Variants in TNRC6A observed in about 807,000 individuals in gnomAD.
TNRC6A encodes the protein trinucleotide repeat containing adaptor 6A.
Under a neutral mutation model 221.2 loss-of-function variants are expected in TNRC6A, and 44 were observed. The ratio of observed to expected loss-of-function variants is 0.20; its 90% CI spans 0.16 to 0.26. The LOEUF (loss-of-function observed/expected upper bound fraction) is 0.26, where lower values mean the gene tolerates loss of function less well. Ranked by LOEUF, TNRC6A falls within the 10% of genes least tolerant of loss-of-function variation. TNRC6A has a pLI of 1.00. For missense variants in TNRC6A, 2,199 were observed against 2,404.4 expected (o/e 0.91, Z 1.79); for synonymous variants, 847 against 838.5 (o/e 1.01, Z -0.18).
chr16:24,628,894 C>T (rs1396210119), intron 1 of TNRC6A, among the ~76,000 whole-genome samples: 1 of 151,854 alleles, frequency 6.6e-6, no homozygotes, highest in African/African-American at 2.4e-5. Flanking sequence ...GACACCCAGG[C>T]TCAAAAAATA....
intron 2 of TNRC6A, among the ~76,000 whole-genome samples, chr16:24,748,031 T>C (rs557393820): frequency 1.3e-5 from 2 of 152,314 alleles, no homozygotes; most frequent in Non-Finnish European, 2.9e-5. Flanking sequence ...CCTGTGCTAT[T>C]TTGACACAAG....
At chr16:24,675,698 CTCTCTA>C (rs1295568702) in intron 2 of TNRC6A, among the ~76,000 whole-genome samples, 204 of 66,522 alleles carry the variant, frequency 3.1e-3, no homozygotes, top group Non-Finnish European at 3.7e-3. Flanking sequence ...CTCTCTCTCT[CTCTCTA>C]TATATATATA....
intron 2 of TNRC6A, among the ~76,000 whole-genome samples, chr16:24,666,790 C>T (rs1369029869): frequency 5.3e-5 from 8 of 149,930 alleles, no homozygotes; most frequent in Non-Finnish European, 8.9e-5. Flanking sequence ...TTTTACTAAC[C>T]GAAGGCACTC....
chr16:24,815,139 C>T lies in TNRC6A; in HGVS notation c.4673-8C>T. On this transcript the variant is annotated splice_polypyrimidine_tract_variant and splice_region_variant and intron_variant, in intron 18 of 24. Transcript: ENST00000395799. Reference sequence around the variant, plus strand: ...GCTCACATTTCTCTATTATTCTTCCCTTGTTAGGTGCTATTTCAAGTGGTT... The same window carrying T: ...GCTCACATTTCTCTATTATTCTTCCTTTGTTAGGTGCTATTTCAAGTGGTT... 7 of 1,609,756 alleles carry T rather than the reference C, an allele frequency of 4.3e-6. No individual in the cohort carries two copies. The highest frequency in any genetic ancestry group is 5.9e-6 in the Non-Finnish European group (7 of 1,176,752).
chr16:24,691,262 G>A (rs2055750660), intron 2 of TNRC6A, among the ~76,000 whole-genome samples: 1 of 151,966 alleles, frequency 6.6e-6, no homozygotes, highest in East Asian at 1.9e-4. Context: ...CTATCACCCA[G>A]GCTGGGGTGC....
intron 2 of TNRC6A, among the ~76,000 whole-genome samples, chr16:24,714,652 T>C (rs73548914): frequency 0.11 from 17,103 of 152,122 alleles, 2,222 homozygotes; most frequent in East Asian, 0.36. Context: ...TCAGACATTG[T>C]AGTTTTTACC....
rs755389115 is a variant in TNRC6A, at chr16:24,823,873, C to T, written c.*66C>T. ...AGGGAAAGGAGCACTAAGTGGGGCTCGCCGCCTGCAGCCAGGGGCCGCCTG... is the reference window on the plus strand; with the variant it reads ...AGGGAAAGGAGCACTAAGTGGGGCTTGCCGCCTGCAGCCAGGGGCCGCCTG... On this transcript the variant is annotated 3_prime_UTR_variant, in exon 25 of 25. Coordinates refer to ENST00000395799, the MANE Select transcript of TNRC6A (RefSeq NM_014494.4). The surrounding 1 kb of genome is among the most constrained non-coding windows in gnomAD (Gnocchi z 4.3). 2.4e-5 allele frequency: 32 copies of T among 1,360,154 alleles called. 1 individual carries two copies. Among genetic ancestry groups the T allele is most frequent in the Admixed American group, 2.1e-4 (7 of 33,568 alleles). 84.3% of individuals were successfully genotyped at this position (1,360,154 alleles called of 1,614,324 possible). A position where few individuals can be genotyped will look rare whatever the true frequency, so the allele number is the denominator to read the frequency against.
chr16:24,713,335 C>T (rs1296948692), intron 2 of TNRC6A, among the ~76,000 whole-genome samples: 1 of 151,962 alleles, frequency 6.6e-6, no homozygotes, highest in Non-Finnish European at 1.5e-5. Context: ...CAAGAATTGC[C>T]TGAACCTGGG....
chr16:24,790,224 A>C lies in TNRC6A; in HGVS notation c.1582A>C (p.Asn528His). ...TACTACATGGGGTGCCTATGGTTCT[A>C]ATTACTCTGGAGACAAATGTTCAGG... is the stretch of plus-strand genomic sequence containing the variant. ...YGTTWGAYGS[N>H]YSGDKCSGPN... is the part of the protein sequence containing the mutation. The change falls in exon 6 of 25, where the codon AAT becomes CAT. Residue 528 changes from asparagine to histidine, a missense_variant. Coordinates refer to ENST00000395799, the MANE Select transcript of TNRC6A (RefSeq NM_014494.4). The C allele has an allele frequency of 6.2e-7, 1 of 1,614,196 alleles. No homozygotes were observed. Among genetic ancestry groups the C allele is most frequent in the Non-Finnish European group, 8.5e-7 (1 of 1,180,044 alleles).
chr16:24,775,973 T>C (rs1215542122), intron 4 of TNRC6A, among the ~76,000 whole-genome samples: 9 of 152,170 alleles, frequency 5.9e-5, no homozygotes, highest in Non-Finnish European at 1.3e-4. Context: ...ATGTTCTGTG[T>C]TTTATAAACA....
chr16:24,714,465 A>T (rs977211480), intron 2 of TNRC6A, among the ~76,000 whole-genome samples: 1 of 151,002 alleles, frequency 6.6e-6, no homozygotes, highest in Non-Finnish European at 1.5e-5. Context: ...CCCACCACCA[A>T]ACCCGGCTAA....
intron 3 of TNRC6A, among the ~76,000 whole-genome samples, chr16:24,753,283 A>G (rs2057177079): frequency 1.3e-5 from 2 of 152,212 alleles, no homozygotes; most frequent in African/African-American, 4.8e-5. Context: ...AACCATCATC[A>G]GAAGCTTAGG....
upstream of TNRC6A, among the ~76,000 whole-genome samples, chr16:24,728,987 T>G (rs960784487): frequency 6.6e-6 from 1 of 152,106 alleles, no homozygotes; most frequent in African/African-American, 2.4e-5. Flanking sequence ...CTGGACATTT[T>G]GGCTGTTTGC....
intron 5 of TNRC6A, among the ~76,000 whole-genome samples, chr16:24,782,701 C>A (rs2057877146): frequency 6.6e-6 from 1 of 152,034 alleles, no homozygotes; most frequent in Non-Finnish European, 1.5e-5. Context: ...CAGGGTGAAA[C>A]CCCCTCTCTA....
At chr16:24,729,117 G>T (rs1326571195), upstream of TNRC6A, among the ~76,000 whole-genome samples, 1 of 151,936 alleles carries the variant, frequency 6.6e-6, no homozygotes, top group Non-Finnish European at 1.5e-5. Flanking sequence ...TCAAAGGTCG[G>T]TGGATAAAAA....
intron 2 of TNRC6A, among the ~76,000 whole-genome samples, chr16:24,657,043 T>A (rs1002651393): frequency 6.6e-6 from 1 of 151,872 alleles, no homozygotes. Flanking sequence ...CGGGGCATGG[T>A]GGCTTACACC....
intron 1 of TNRC6A, among the ~76,000 whole-genome samples, chr16:24,635,063 C>T (rs571764948): frequency 3.3e-5 from 5 of 151,750 alleles, no homozygotes; most frequent in African/African-American, 1.2e-4. Context: ...AAGTGAGTCA[C>T]CTTTCTTTCT....
intron 23 of TNRC6A, 83 bp downstream of exon 23, chr16:24,822,230 G>A (rs990294640): frequency 7.3e-7 from 1 of 1,366,882 alleles, no homozygotes; most frequent in African/African-American, 1.4e-5. Context: ...TGAGACAAGG[G>A]CTGCTAGGTG....
chr16:24,789,655 G>A lies in TNRC6A; in HGVS notation c.1013G>A (p.Ser338Asn), dbSNP rs200656826. Residue 338 changes from serine (S) to asparagine (N), a missense_variant, in exon 6 of 25, where the codon AGC becomes AAC. By Grantham distance (46) the Ser-to-Asn change is conservative. Coordinates refer to ENST00000395799, the MANE Select transcript of TNRC6A (RefSeq NM_014494.4). The part of the protein sequence containing the change: ...VDAPESKSES[S>N]NNRMNAWGTV... ...GCTCCTGAAAGCAAATCTGAAAGTA[G>A]CAACAATAGAATGAATGCTTGGGGC... 6 of 1,614,168 alleles carry A rather than the reference G, an allele frequency of 3.7e-6. No individual in the cohort carries two copies. Among genetic ancestry groups the A allele is most frequent in the Admixed American group, 1.7e-5 (1 of 60,026 alleles).
Sources: allele counts gnomAD v4.1 joint callset (sites outside exome capture counted in the v4.1 genomes callset), GRCh38; gene constraint gnomAD v4.1.1; non-coding constraint Gnocchi (gnomAD v3.1); transcripts MANE v1.5; gene names NCBI Gene and HGNC (gene_info 2026-07-23, HGNC 2026-07-21).